Variants in PECR observed in about 807,000 individuals in gnomAD.
PECR encodes peroxisomal trans-2-enoyl-CoA reductase.
PECR carries 30 observed loss-of-function variants against 35.3 expected under a neutral mutation model. The observed-to-expected ratio is 0.85, with a 90% confidence interval of 0.64 to 1.15. The LOEUF (loss-of-function observed/expected upper bound fraction) is 1.15, where lower values mean the gene tolerates loss of function less well. Ranked by LOEUF, PECR falls within the 50% of genes most tolerant of loss-of-function variation. PECR has a pLI of 0.00. For missense variants in PECR, 392 were observed against 370.8 expected, an observed-to-expected ratio of 1.06 and a Z score of -0.47; for synonymous variants, 148 against 138.9, an observed-to-expected ratio of 1.07 and a Z score of -0.46.
intron 7 of PECR, among the ~76,000 whole-genome samples, chr2:216,041,149 T>A (rs1049146172): frequency 1.3e-5 from 2 of 152,178 alleles, no homozygotes; most frequent in African/African-American, 2.4e-5. Flanking sequence ...GTACCCGCTT[T>A]CCTCAAAAAC....
In PECR at chr2:216,049,310, C is replaced by T; in HGVS notation, c.667G>A (p.Gly223Arg). ...YGSWGQSFFEGSFQKIPAKRI... is the reference protein window; with the variant it reads ...YGSWGQSFFERSFQKIPAKRI... ...TTAGCGGGGATTTTCTGAAAAGACC[C>T]TTCAAAGAAGCTTTGTCCCCAGGAA... is the stretch of plus-strand genomic sequence containing the variant. The change falls in exon 6 of 8, where the codon GGG (glycine) becomes AGG (arginine). Residue 223 changes from glycine (G) to arginine (R), a missense_variant. Coordinates refer to ENST00000265322, the MANE Select transcript of PECR (RefSeq NM_018441.6). 1 of 1,605,122 alleles carries T rather than the reference C, an allele frequency of 6.2e-7. No individual in the cohort carries two copies. Among genetic ancestry groups the T allele is most frequent in the Non-Finnish European group, 8.5e-7 (1 of 1,171,786 alleles).
At chr2:216,033,587 CAAG>C (rs1694744962), downstream of PECR, 1 of 152,272 alleles carries the variant, frequency 6.6e-6, no homozygotes, top group Admixed American at 6.6e-5. Flanking sequence ...TGGCCTCAGT[CAAG>C]AAGGGGATTT....
rs1480549509 is a variant in PECR at position 216,081,802 on chromosome 2, A to AGGCG, written c.-65_-62dup. Reference sequence around the variant, plus strand: ...CCCTTCTGGGTCTCAGGGACATTCGAGGCGGGCGGGCGGACAGGGCGGTGC... The same window carrying AGGCG: ...CCCTTCTGGGTCTCAGGGACATTCGAGGCGGGCGGGCGGGCGGACAGGGCGGTGC... On this transcript the variant is annotated 5_prime_UTR_variant, in exon 1 of 8. Coordinates refer to ENST00000265322, the MANE Select transcript of PECR (RefSeq NM_018441.6). 1.3e-5 allele frequency: 20 copies of AGGCG among 1,587,686 alleles called. No homozygotes were observed. The highest frequency in any genetic ancestry group is 2.2e-5 in the South Asian group (2 of 89,216).
intron 4 of PECR, among the ~76,000 whole-genome samples, chr2:216,057,512 A>G (rs76559889): frequency 0.02 from 3,069 of 152,244 alleles, 129 homozygotes; most frequent in African/African-American, 0.07. Flanking sequence ...AACTATTAAC[A>G]CTAGTTGCCT....
At position 216,043,906 on chromosome 2, in the gene PECR, G is replaced by T. The variant is rs1226772251; in HGVS notation, c.824C>A (p.Pro275Gln). 2.6e-6 allele frequency: 4 copies of T among 1,529,132 alleles called. No individual in the cohort carries two copies. In the African/African-American group the frequency reaches 5.4e-5, roughly 21 times the overall value. The allele number at this position is 1,529,132 out of a possible 1,614,324, so 94.7% of individuals were successfully genotyped here. A position where few individuals can be genotyped will look rare whatever the true frequency, so the allele number is the denominator to read the frequency against. The change falls in exon 7 of 8, where the codon CCA becomes CAA. Residue 275 changes from proline (P) to glutamine (Q), a missense_variant and splice_region_variant. Physicochemically the swap from Pro to Gln is moderately conservative, Grantham distance 76. Transcript: ENST00000265322. ...CTGCTCATTCCTCAGCTGCTCACCT[G>T]GTACCTCATACGAGTGAGTATAGAG... ...RSLYTHSYEV[P>Q]DHDNWPKGAG...
At chr2:216,032,454 C>T (rs778413542) in intron 7 of PECR, among the ~76,000 whole-genome samples, 2 of 152,206 alleles carry the variant, frequency 1.3e-5, no homozygotes, top group Non-Finnish European at 2.9e-5. Context: ...CCTCCGTTGA[C>T]CCAGTTGGCT....
At chr2:216,068,235 A>AC (rs1695508869) in intron 1 of PECR, among the ~76,000 whole-genome samples, 1 of 151,426 alleles carries the variant, frequency 6.6e-6, no homozygotes, top group African/African-American at 2.4e-5. Context: ...CAAAAAAAAA[A>AC]AAAAAAAAAA....
At chr2:216,051,657 G>T in intron 4 of PECR, 112 bp from the exon 5 acceptor site, 1 of 749,938 alleles carries the variant, frequency 1.3e-6, no homozygotes, top group Non-Finnish European at 2.4e-6. Flanking sequence ...GAGACTTCTT[G>T]CTATGGAGTC....
At chr2:216,058,711 G>C (rs1695277232) in intron 4 of PECR, among the ~76,000 whole-genome samples, 184 bp downstream of exon 4, 1 of 151,442 alleles carries the variant, frequency 6.6e-6, no homozygotes, top group Non-Finnish European at 1.5e-5. Flanking sequence ...GTCCGCATCT[G>C]GATGAAAATG....
At chr2:216,067,649 C>A (rs568543280) in intron 1 of PECR, among the ~76,000 whole-genome samples, 23 of 151,888 alleles carry the variant, frequency 1.5e-4, no homozygotes, top group Middle Eastern at 3.4e-3. Context: ...CTCCACCTCC[C>A]GGGTTCAAGT....
chr2:216,059,157 TA>T (rs1695285558), intron 3 of PECR, among the ~76,000 whole-genome samples, 181 bp from the exon 4 acceptor site: 1 of 152,232 alleles, frequency 6.6e-6, no homozygotes. Context: ...GTGTGCAATG[TA>T]ATGACTTTTA....
intron 7 of PECR, among the ~76,000 whole-genome samples, chr2:216,030,920 A>C (rs1694672921): frequency 7.5e-6 from 1 of 133,468 alleles, no homozygotes; most frequent in Admixed American, 8.2e-5. Context: ...GCCCACTATG[A>C]GGCCCATTCT....
chr2:216,070,560 T>C (rs1310412991), intron 1 of PECR, among the ~76,000 whole-genome samples: 1 of 152,204 alleles, frequency 6.6e-6, no homozygotes, highest in East Asian at 1.9e-4. Context: ...TACTTACTAT[T>C]TGAGACGGTC....
intron 1 of PECR, among the ~76,000 whole-genome samples, chr2:216,067,261 C>T (rs997498839): frequency 1.3e-5 from 2 of 152,094 alleles, no homozygotes; most frequent in African/African-American, 4.8e-5. Flanking sequence ...GGAATCTTCA[C>T]CTGAGTACCA....
At chr2:216,043,050 T>TAC (rs1694922833) in intron 7 of PECR, among the ~76,000 whole-genome samples, 6 of 130,184 alleles carry the variant, frequency 4.6e-5, no homozygotes, top group Non-Finnish European at 9.7e-5. Context: ...TATATATATA[T>TAC]ACACATACGT....
chr2:216,060,102 A>G (rs553668234), intron 3 of PECR, among the ~76,000 whole-genome samples: 1 of 152,280 alleles, frequency 6.6e-6, no homozygotes, highest in South Asian at 2.1e-4. Context: ...CAAGTCTTAC[A>G]CTTTTTTGTT....
chr2:216,039,828 A>C (rs1258030266), intron 7 of PECR, among the ~76,000 whole-genome samples: 11 of 152,194 alleles, frequency 7.2e-5, no homozygotes, highest in Admixed American at 7.2e-4. Context: ...GTGCCAGGGA[A>C]GCTTGGCACC....
intron 7 of PECR, among the ~76,000 whole-genome samples, chr2:216,042,903 C>CCCA (rs1278331317): frequency 1.0e-4 from 15 of 148,936 alleles, no homozygotes; most frequent in African/African-American, 3.7e-4. Flanking sequence ...ACTACAGGTG[C>CCCA]CCGCCACCAC....
downstream of PECR, among the ~76,000 whole-genome samples, chr2:216,035,496 T>A (rs1335851169): frequency 6.6e-6 from 1 of 151,248 alleles, no homozygotes; most frequent in Non-Finnish European, 1.5e-5. Flanking sequence ...TTCTTTTTTT[T>A]TTTTTTTTCG....
Sources: gnomAD v4.1 joint callset for allele counts (sites outside exome capture counted in the v4.1 genomes callset) on GRCh38, gnomAD v4.1.1 for gene constraint, MANE v1.5 for transcripts, NCBI Gene and HGNC (gene_info 2026-07-23, HGNC 2026-07-21) for gene names.